The following NADSYN1 variants were observed in gnomAD, a reference collection of about 807,000 sequenced individuals.
The protein encoded by NADSYN1 is NAD synthetase 1, also known as glutamine-dependent NAD(+) synthetase.
A neutral mutation model predicts 99.3 loss-of-function variants in NADSYN1; 80 were observed. That is an observed-to-expected ratio of 0.81 (90% CI 0.67 to 0.97). The LOEUF is 0.97. Among genes scored for constraint, NADSYN1 ranks in the 50% least tolerant of loss-of-function variants. The probability of loss-of-function intolerance (pLI) is 0.00; values close to 1 mark genes in which losing one functional copy is unlikely to be tolerated. For synonymous variants in NADSYN1, 385 were observed against 372.1 expected (o/e 1.03, Z -0.40); for missense variants, 859 against 948.5 (o/e 0.91, Z 1.24).
Position 71,463,903 on chromosome 11 carries a change from A to C in NADSYN1, c.318-150A>C, listed in dbSNP as rs141679357. 1.1e-3 allele frequency: 702 copies of C among 621,584 alleles called. 3 individuals carry two copies. The African/African-American group carries it at 0.012, about 10-fold the overall frequency. 38.5% of individuals were successfully genotyped at this position (621,584 alleles called of 1,614,324 possible). On this transcript the variant is annotated intron_variant, in intron 4 of 20. Transcript: ENST00000319023. ...TGGGGACCCGAGTCATAGAAAGCGG[A>C]AGCCCAGAGAAGGAGAGAGATTTGC...
chr11:71,501,009 A>G (rs1949853919), intron 20 of NADSYN1, among the ~76,000 whole-genome samples: 1 of 151,848 alleles, frequency 6.6e-6, no homozygotes, highest in Admixed American at 6.6e-5. Flanking sequence ...GCTCCCCCAG[A>G]TCAGGAAGGG....
In NADSYN1 at chr11:71,498,473, G is replaced by T. The variant is rs372980572; in HGVS notation, c.2015G>T (p.Arg672Leu). The T allele has an allele frequency of 6.2e-7, 1 of 1,614,152 alleles. No homozygotes were observed. Among genetic ancestry groups the T allele is most frequent in the African/African-American group, 1.3e-5 (1 of 75,050 alleles). The change falls in exon 20 of 21, where the codon CGA becomes CTA. Residue 672 changes from arginine (R) to leucine (L), a missense_variant. Arg to Leu is a moderately radical substitution (Grantham distance 102). Coordinates refer to ENST00000319023, the MANE Select transcript of NADSYN1 (RefSeq NM_018161.5). ...CCTGAGGACAACAGGTTTGATCTGC[G>T]ACCATTTCTGTACAACACAAGCTGG... Reference protein sequence around the residue: ...YSPEDNRFDLRPFLYNTSWPW... With the variant: ...YSPEDNRFDLLPFLYNTSWPW...
intron 9 of NADSYN1, 180 bp downstream of exon 9, chr11:71,474,706 C>A: frequency 3.0e-6 from 2 of 672,614 alleles, no homozygotes. Flanking sequence ...TGTGGAGAAG[C>A]CCCCGGGGGT....
intron 16 of NADSYN1, among the ~76,000 whole-genome samples, chr11:71,490,343 C>G (rs933280707): frequency 8.5e-5 from 13 of 152,242 alleles, no homozygotes; most frequent in African/African-American, 3.1e-4. Context: ...TCCCACATCT[C>G]AAGTCCCCAG....
intron 8 of NADSYN1, among the ~76,000 whole-genome samples, chr11:71,474,115 T>C (rs1949647942): frequency 6.6e-6 from 1 of 152,226 alleles, no homozygotes; most frequent in South Asian, 2.1e-4. Context: ...CTTTGGCTTG[T>C]CTGAACCTCA....
At chr11:71,467,249 C>T (rs1011470768) in intron 5 of NADSYN1, among the ~76,000 whole-genome samples, 7 of 152,170 alleles carry the variant, frequency 4.6e-5, no homozygotes, top group Admixed American at 4.6e-4. Flanking sequence ...TGTCCAGTCT[C>T]CAGGCAATAG....
intron 15 of NADSYN1, 44 bp downstream of exon 15, chr11:71,484,491 G>C (rs777673678): frequency 6.3e-7 from 1 of 1,582,220 alleles, no homozygotes; most frequent in African/African-American, 1.3e-5. Flanking sequence ...GGGGGTGCAG[G>C]GAGCACTGGG....
chr11:71,458,314 A>G, intron 2 of NADSYN1, 114 bp from the exon 3 acceptor site: 1 of 760,520 alleles, frequency 1.3e-6, no homozygotes, highest in Non-Finnish European at 2.3e-6. Context: ...AGGCTTTGAG[A>G]AAACACCTGA....
At chr11:71,481,540 T>C in intron 12 of NADSYN1, 136 bp downstream of exon 12, 9 of 910,252 alleles carry the variant, frequency 9.9e-6, no homozygotes, top group East Asian at 2.6e-5. Flanking sequence ...TCTGCCTCCA[T>C]GGGGAGCTTA....
intron 10 of NADSYN1, chr11:71,478,725 A>G: frequency 2.2e-6 from 1 of 456,028 alleles, no homozygotes; most frequent in Non-Finnish European, 4.1e-6. Flanking sequence ...GGCTGACGAG[A>G]CAGTCAGCGT....
intron 5 of NADSYN1, among the ~76,000 whole-genome samples, chr11:71,464,727 C>T (rs1252272545): frequency 1.3e-5 from 2 of 151,712 alleles, no homozygotes; most frequent in Non-Finnish European, 2.9e-5. Context: ...ATTAGCTGGG[C>T]GTGGTGGTGG....
chr11:71,481,477 G>T (rs1949707446), intron 12 of NADSYN1, 73 bp downstream of exon 12: 3 of 1,436,920 alleles, frequency 2.1e-6, no homozygotes, highest in Non-Finnish European at 1.9e-6. Flanking sequence ...CTGGGGCAGG[G>T]TAGGGATTTT....
intron 5 of NADSYN1, among the ~76,000 whole-genome samples, chr11:71,469,554 G>T (rs1398393485): frequency 6.6e-6 from 1 of 152,204 alleles, no homozygotes; most frequent in African/African-American, 2.4e-5. Flanking sequence ...TTAGATTATA[G>T]ATTAAAACGG....
In NADSYN1 at chr11:71,491,937, C is replaced by T. The variant is rs762609703; in HGVS notation, c.1764+34C>T. The T allele has an allele frequency of 1.3e-5, 20 of 1,592,204 alleles. No individual in the cohort carries two copies. The Admixed American group carries it at 3.2e-4, about 26-fold the overall frequency. On this transcript the variant is annotated intron_variant, in intron 18 of 20. Transcript: ENST00000319023. ...GGTGGCTTTGCCATGATGCTTCCTG[C>T]CCTCCTCCCCACCTCCTGTGTGGTG...
intron 18 of NADSYN1, among the ~76,000 whole-genome samples, chr11:71,493,874 G>A (rs540919505): frequency 1.3e-5 from 2 of 152,306 alleles, no homozygotes; most frequent in East Asian, 3.9e-4. Context: ...GCTCACGCCT[G>A]TAATCCCAGC....
At chr11:71,475,932 G>A (rs561401925) in intron 9 of NADSYN1, 76 of 432,514 alleles carry the variant, frequency 1.8e-4, no homozygotes, top group Admixed American at 1.5e-3. Context: ...CCGGCTGGTC[G>A]CAAACTCCTG....
At chr11:71,492,270 C>T (rs1018776960) in intron 18 of NADSYN1, among the ~76,000 whole-genome samples, 13 of 152,312 alleles carry the variant, frequency 8.5e-5, no homozygotes, top group Admixed American at 8.5e-4. Context: ...TGATGAGGCC[C>T]AGGCTGTGGT....
rs1949716064 is a variant in NADSYN1 at position 71,482,609 on chromosome 11, T to TCG, written c.1151-239_1151-238insGC. The TCG allele has an allele frequency of 1.8e-5, 3 of 162,192 alleles. 1 individual carries two copies. The highest frequency in any genetic ancestry group is 3.3e-5 in the Non-Finnish European group (3 of 89,888). 10.0% of individuals were successfully genotyped at this position (162,192 alleles called of 1,614,324 possible). ...CCTGGGGGTGTAGACCGGGGTGGAG[T>TCG]CACACGGGCACCTGGGGGTGTAGAC... On this transcript the variant is annotated intron_variant, in intron 13 of 20. Coordinates refer to ENST00000319023, the MANE Select transcript of NADSYN1 (RefSeq NM_018161.5).
intron 15 of NADSYN1, chr11:71,485,112 A>G (rs532566488): frequency 5.8e-6 from 1 of 171,186 alleles, no homozygotes; most frequent in East Asian, 1.6e-4. Context: ...CGTGATGGGC[A>G]GAGGAAAAGA....
Sources: gnomAD v4.1 joint callset for allele counts (sites outside exome capture counted in the v4.1 genomes callset) on GRCh38, gnomAD v4.1.1 for gene constraint, MANE v1.5 for transcripts, NCBI Gene and HGNC (gene_info 2026-07-23, HGNC 2026-07-21) for gene names.